MST1R: variants seen among roughly 807,000 people sequenced by gnomAD.
MST1R encodes the protein macrophage-stimulating protein receptor.
In MST1R, 99 loss-of-function variants were observed where a neutral mutation model predicts 117.8. The ratio of observed to expected loss-of-function variants is 0.84; its 90% CI spans 0.71 to 0.99. MST1R has a LOEUF of 0.99. Ranked by LOEUF, MST1R falls within the 50% of genes least tolerant of loss-of-function variation. MST1R has a pLI of 0.00. For missense variants in MST1R, 1,683 were observed against 1,840.2 expected (o/e 0.91, Z 1.56); for synonymous variants, 734 against 765.3 (o/e 0.96, Z 0.68).
Position 49,897,602 on chromosome 3 carries a change from AC to A in MST1R, c.1963del (p.Val655SerfsTer5). On this transcript the variant is annotated frameshift_variant, in exon 6 of 20. Coordinates refer to ENST00000296474, the MANE Select transcript of MST1R (RefSeq NM_002447.4). LOFTEE classifies it high-confidence loss of function. Reference sequence around the variant, plus strand: ...TGGCATGTTAGTCACGGTGAGGCTGACGTTGGTAGGCCCCACTGCCTGGGTG... The same window carrying A: ...TGGCATGTTAGTCACGGTGAGGCTGAGTTGGTAGGCCCCACTGCCTGGGTG... Reference protein sequence around the residue: ...LGTQAVGPTNVSLTVTNMPPG... With the variant: ...LGTQAVGPTNXSLTVTNMPPG... The A allele has an allele frequency of 6.2e-7, 1 of 1,614,158 alleles. No individual in the cohort carries two copies. The highest frequency in any genetic ancestry group is 8.5e-7 in the Non-Finnish European group (1 of 1,180,040).
chr3:49,891,950 TTTTA>T (rs2082329523), intron 14 of MST1R, 112 bp from the exon 15 acceptor site: 1 of 732,818 alleles, frequency 1.4e-6, no homozygotes, highest in Non-Finnish European at 2.3e-6. Flanking sequence ...CAATCTGACA[TTTTA>T]TTTATTTTTA....
At position 49,898,608 on chromosome 3, in the gene MST1R, C is replaced by A; in HGVS notation, c.1629G>T (p.Met543Ile). Residue 543 changes from methionine (M) to isoleucine (I), a missense_variant, in exon 4 of 20, where the codon ATG becomes ATT. By Grantham distance (10) the Met-to-Ile change is conservative (BLOSUM62 1). Coordinates refer to ENST00000296474, the MANE Select transcript of MST1R (RefSeq NM_002447.4). ...ACATGTTCCCACACCAGCCACAGCC[C>A]ATGAAATGCCATGCCCTTAGGCAAC... ...CGRCLRAWHF[M>I]GCGWCGNMCG... The A allele has an allele frequency of 6.2e-7, 1 of 1,614,170 alleles. No individual in the cohort carries two copies. Among genetic ancestry groups the A allele is most frequent in the Non-Finnish European group, 8.5e-7 (1 of 1,180,048 alleles).
chr3:49,894,371 T>C (rs1278431522), intron 14 of MST1R, among the ~76,000 whole-genome samples: 1 of 152,106 alleles, frequency 6.6e-6, no homozygotes, highest in Non-Finnish European at 1.5e-5. Flanking sequence ...GAGGCCAGCC[T>C]GGACAACATG....
chr3:49,899,240 G>T lies in MST1R; in HGVS notation c.1254C>A (p.Pro418=), dbSNP rs761912349. The T allele has an allele frequency of 3.4e-5, 55 of 1,613,996 alleles. No individual in the cohort carries two copies. In the South Asian group the frequency reaches 5.0e-4, roughly 15 times the overall value. ...GAGGGAAGTGGCGGCAGCTGGTGTT[G>T]GGGCTGAGGGCTTCCAGGCCAGGCT... ...PNPPGLEALS[P]NTSCRHFPLL... The change falls in exon 2 of 20, where the codon CCC becomes CCA. Residue 418 remains proline (P), a synonymous_variant. Coordinates refer to ENST00000296474, the MANE Select transcript of MST1R (RefSeq NM_002447.4).
chr3:49,890,457 G>A (rs772919360), intron 18 of MST1R, 28 bp downstream of exon 18: 3 of 1,595,660 alleles, frequency 1.9e-6, no homozygotes, highest in Non-Finnish European at 2.6e-6. Context: ...CCAAAGCCAT[G>A]TGGACTGTAG....
Position 49,899,176 on chromosome 3 carries a change from T to C in MST1R, c.1318A>G (p.Asn440Asp). ...ACCTGTACTGGTCCCAACAGCCCATTGAATAGGTCCACACGTGAGAAGCTG... is the reference window on the plus strand; with the variant it reads ...ACCTGTACTGGTCCCAACAGCCCATCGAATAGGTCCACACGTGAGAAGCTG... Reference protein sequence around the residue: ...SSSFSRVDLFNGLLGPVQVTA... With the variant: ...SSSFSRVDLFDGLLGPVQVTA... Residue 440 changes from asparagine to aspartate, a missense_variant, in exon 2 of 20, where the codon AAT becomes GAT. Coordinates refer to ENST00000296474, the MANE Select transcript of MST1R (RefSeq NM_002447.4). The C allele has an allele frequency of 6.2e-7, 1 of 1,614,142 alleles. No homozygotes were observed. The highest frequency in any genetic ancestry group is 8.5e-7 in the Non-Finnish European group (1 of 1,180,028).
intron 19 of MST1R, among the ~76,000 whole-genome samples, chr3:49,889,653 G>T (rs575897748): frequency 2.0e-5 from 3 of 152,276 alleles, no homozygotes; most frequent in Non-Finnish European, 4.4e-5. Context: ...TGGGAGTCGG[G>T]TAGGAGGAGC....
chr3:49,898,963 C>A lies in MST1R; in HGVS notation c.1452G>T (p.Leu484=). 6.2e-7 allele frequency: 1 copy of A among 1,614,190 alleles called. No individual in the cohort carries two copies. Among genetic ancestry groups the A allele is most frequent in the Non-Finnish European group, 8.5e-7 (1 of 1,180,048 alleles). ...CACCCAGTGAGAAGTTGGACACATA[C>A]AGCAAGTAGTTTAGTGACCTGACCA... ...VELVRSLNYL[L]YVSNFSLGDS... Residue 484 remains leucine, a synonymous_variant, in exon 3 of 20, where the codon CTG becomes CTT. Coordinates refer to ENST00000296474, the MANE Select transcript of MST1R (RefSeq NM_002447.4).
At chr3:49,895,077 C>T (rs1173767674) in intron 14 of MST1R, 90 bp downstream of exon 14, 4 of 1,417,950 alleles carry the variant, frequency 2.8e-6, no homozygotes, top group African/African-American at 2.8e-5. Context: ...TCCCAAAGTG[C>T]TGGGATTACA....
At chr3:49,890,309 T>C (rs755449734) in intron 18 of MST1R, among the ~76,000 whole-genome samples, 176 bp downstream of exon 18, 1 of 152,218 alleles carries the variant, frequency 6.6e-6, no homozygotes, top group Non-Finnish European at 1.5e-5. Context: ...CAGCCTCCTC[T>C]AGCCCTGGCA....
intron 14 of MST1R, among the ~76,000 whole-genome samples, chr3:49,894,501 G>A (rs929830537): frequency 6.6e-6 from 1 of 151,952 alleles, no homozygotes; most frequent in Non-Finnish European, 1.5e-5. Context: ...TGGGGAGGTC[G>A]AGGCTGCAGT....
At position 49,902,713 on chromosome 3, in the gene MST1R, G is replaced by T. The variant is rs1299699934; in HGVS notation, c.897C>A (p.Asp299Glu). The change falls in exon 1 of 20, where the codon GAC (aspartate) becomes GAA (glutamate). Residue 299 changes from aspartate (D) to glutamate (E), a missense_variant. Transcript: ENST00000296474. ...ELGDYRELVL[D>E]CRFAPKRRRR... ...GCCTGCGTTTTGGAGCAAATCTGCAGTCGAGGACCAGCTCCCGATAGTCAC... is the reference window on the plus strand; with the variant it reads ...GCCTGCGTTTTGGAGCAAATCTGCATTCGAGGACCAGCTCCCGATAGTCAC... The T allele has an allele frequency of 1.9e-6, 3 of 1,613,632 alleles. No individual in the cohort carries two copies. The highest frequency in any genetic ancestry group is 2.5e-6 in the Non-Finnish European group (3 of 1,180,044).
Position 49,887,119 on chromosome 3 carries a change from T to C in MST1R, c.*188A>G, listed in dbSNP as rs777315224. Reference sequence around the variant, plus strand: ...CCACAGCAGGCACTCCATAAATACATGTTGCAGGACTGCCCTCACTGGCTC... The same window carrying C: ...CCACAGCAGGCACTCCATAAATACACGTTGCAGGACTGCCCTCACTGGCTC... On this transcript the variant is annotated 3_prime_UTR_variant, in exon 20 of 20. Coordinates refer to ENST00000296474, the MANE Select transcript of MST1R (RefSeq NM_002447.4). 11 of 734,854 alleles carry C rather than the reference T, an allele frequency of 1.5e-5. No homozygotes were observed. The highest frequency in any genetic ancestry group is 4.0e-4 in the Middle Eastern group (1 of 2,518). The allele number at this position is 734,854 out of a possible 1,614,324, so 45.5% of individuals were successfully genotyped here. A position where few individuals can be genotyped will look rare whatever the true frequency, so the allele number is the denominator to read the frequency against.
At chr3:49,896,687 T>C (rs551163848) in intron 8 of MST1R, 42 bp downstream of exon 8, 1 of 1,609,728 alleles carries the variant, frequency 6.2e-7, no homozygotes, top group African/African-American at 1.3e-5. Context: ...GCTGGCTCTC[T>C]CATTCCCCAG....
At chr3:49,887,684 C>G (rs2108353196) in intron 19 of MST1R, 122 bp from the exon 20 acceptor site, 1 of 1,019,542 alleles carries the variant, frequency 9.8e-7, no homozygotes, top group African/African-American at 1.6e-5. Flanking sequence ...GACCTAGTAC[C>G]TAGCACTACC....
intron 8 of MST1R, 40 bp downstream of exon 8, chr3:49,896,689 A>C: frequency 3.7e-6 from 6 of 1,609,666 alleles, no homozygotes; most frequent in Non-Finnish European, 5.1e-6. Flanking sequence ...TGGCTCTCTC[A>C]TTCCCCAGAG....
intron 7 of MST1R, 85 bp downstream of exon 7, chr3:49,897,195 G>A: frequency 2.6e-6 from 4 of 1,511,260 alleles, no homozygotes; most frequent in Non-Finnish European, 3.6e-6. Context: ...CATGTAACAA[G>A]CACTCTTCCC....
chr3:49,890,134 C>T (rs2082271164), intron 18 of MST1R, 74 bp from the exon 19 acceptor site: 4 of 1,517,594 alleles, frequency 2.6e-6, no homozygotes, highest in Non-Finnish European at 2.6e-6. Context: ...AGGGCTTCTA[C>T]CTCCCAGAGT....
chr3:49,888,921 A>T (rs748365847), intron 19 of MST1R, among the ~76,000 whole-genome samples: 1 of 152,114 alleles, frequency 6.6e-6, no homozygotes, highest in African/African-American at 2.4e-5. Flanking sequence ...AGTGGCTAGG[A>T]GTGTTGCCTG....
Sources: allele counts gnomAD v4.1 joint callset (sites outside exome capture counted in the v4.1 genomes callset), GRCh38; gene constraint gnomAD v4.1.1; transcripts MANE v1.5; gene names NCBI Gene and HGNC (gene_info 2026-07-23, HGNC 2026-07-21).